Variants in AUH observed in about 807,000 individuals in gnomAD.
AUH encodes methylglutaconyl-CoA hydratase, mitochondrial.
Under a neutral mutation model 42.3 loss-of-function variants are expected in AUH, and 29 were observed. That is an observed-to-expected ratio of 0.69 (90% CI 0.51 to 0.93). The LOEUF is 0.93. AUH is among the 40% of genes least tolerant of loss of function. AUH has a pLI of 0.00. For missense variants in AUH, 452 were observed against 438.1 expected (o/e 1.03, Z -0.28); for synonymous variants, 174 against 166.4 (o/e 1.05, Z -0.35).
At chr9:91,308,716 T>C (rs1430206273) in intron 4 of AUH, among the ~76,000 whole-genome samples, 1 of 151,176 alleles carries the variant, frequency 6.6e-6, no homozygotes, top group Non-Finnish European at 1.5e-5. Flanking sequence ...TGAACATAAA[T>C]AAACAATTCA....
intron 6 of AUH, among the ~76,000 whole-genome samples, chr9:91,263,980 C>G (rs190499420): frequency 1.2e-3 from 190 of 152,278 alleles, no homozygotes; most frequent in African/African-American, 4.5e-3. Flanking sequence ...CCACAACACA[C>G]TTTTCCTCTG....
At chr9:91,308,287 G>A (rs997250863) in intron 4 of AUH, among the ~76,000 whole-genome samples, 9 of 152,198 alleles carry the variant, frequency 5.9e-5, no homozygotes, top group African/African-American at 1.9e-4. Flanking sequence ...TTTGAGCCCA[G>A]GAGTTCAAGG....
chr9:91,250,179 GTC>G (rs1564029868), intron 6 of AUH, among the ~76,000 whole-genome samples: 1 of 152,142 alleles, frequency 6.6e-6, no homozygotes, highest in African/African-American at 2.4e-5. Context: ...AGTCCCGGAG[GTC>G]TGAGACCGCA....
chr9:91,295,997 G>A (rs765320881), intron 6 of AUH, 24 bp downstream of exon 6: 37 of 1,613,364 alleles, frequency 2.3e-5, no homozygotes, highest in Middle Eastern at 1.6e-4. Context: ...AAGGATTTGA[G>A]GAATGGGCGT....
At chr9:91,324,563 A>AGCC (rs779009187) in intron 4 of AUH, among the ~76,000 whole-genome samples, 13,416 of 148,714 alleles carry the variant, frequency 0.09, 644 homozygotes, top group Middle Eastern at 0.12. Flanking sequence ...AAAAAAAAGA[A>AGCC]AGCCAAATCT....
chr9:91,214,367 G>T lies in AUH; in HGVS notation c.1001C>A (p.Pro334His). ...GLLAFKEKRP[P>H]RYKGE Reference sequence around the variant, plus strand: ...TTCCTTTTATTCTCCTTTATAGCGAGGGGGCCTTTTCTCTTTAAAAGCAAG... The same window carrying T: ...TTCCTTTTATTCTCCTTTATAGCGATGGGGCCTTTTCTCTTTAAAAGCAAG... The change falls in exon 10 of 10, where the codon CCT (proline) becomes CAT (histidine). Residue 334 changes from proline to histidine, a missense_variant. Transcript: ENST00000375731. The T allele has an allele frequency of 6.2e-7, 1 of 1,609,898 alleles. No homozygotes were observed.
intron 6 of AUH, among the ~76,000 whole-genome samples, chr9:91,232,169 G>A (rs1450841046): frequency 6.6e-6 from 1 of 152,128 alleles, no homozygotes; most frequent in Non-Finnish European, 1.5e-5. Context: ...GGGATAGCTT[G>A]AGCCCAGGAG....
At chr9:91,270,207 TAC>T (rs1299691905) in intron 6 of AUH, among the ~76,000 whole-genome samples, 1 of 152,100 alleles carries the variant, frequency 6.6e-6, no homozygotes, top group Non-Finnish European at 1.5e-5. Flanking sequence ...AAAGATAACA[TAC>T]AGAGACCAGA....
chr9:91,331,070 C>T (rs1830290060), intron 3 of AUH, among the ~76,000 whole-genome samples: 1 of 152,108 alleles, frequency 6.6e-6, no homozygotes, highest in Admixed American at 6.6e-5. Context: ...CCTACCCCCT[C>T]CAGCTGCCAA....
intron 6 of AUH, among the ~76,000 whole-genome samples, chr9:91,227,898 GAAGCC>G (rs1225241546): frequency 6.6e-6 from 1 of 151,634 alleles, no homozygotes; most frequent in African/African-American, 2.4e-5. Flanking sequence ...TCCCAGGGAT[GAAGCC>G]CACTTGATCA....
At chr9:91,350,713 C>A (rs1239615228) in intron 3 of AUH, among the ~76,000 whole-genome samples, 1 of 150,850 alleles carries the variant, frequency 6.6e-6, no homozygotes. Context: ...AAGCAGAGAT[C>A]ATACCACTGC....
chr9:91,263,989 T>C (rs1448706311), intron 6 of AUH, among the ~76,000 whole-genome samples: 1 of 152,186 alleles, frequency 6.6e-6, no homozygotes, highest in East Asian at 1.9e-4. Context: ...ACTTTTCCTC[T>C]GAGCTTCCAC....
rs199879150 is a variant in AUH at position 91,221,000 on chromosome 9, G to A, written c.656-8C>T. The A allele has an allele frequency of 1.2e-5, 19 of 1,614,022 alleles. No homozygotes were observed. The African/African-American group carries it at 2.3e-4, about 19-fold the overall frequency. ...GCAATCGCTGTGTCCCCCCTGAGGG[G>A]TGAAAGAGAGAGAAAAGGCAATGAT... On this transcript the variant is annotated splice_polypyrimidine_tract_variant and splice_region_variant and intron_variant, in intron 6 of 9. Transcript: ENST00000375731.
intron 6 of AUH, among the ~76,000 whole-genome samples, chr9:91,242,914 T>A (rs188301028): frequency 3.2e-4 from 49 of 152,352 alleles, no homozygotes; most frequent in Non-Finnish European, 5.6e-4. Context: ...ATGTTTCTGA[T>A]ATTCTTTATC....
intron 3 of AUH, chr9:91,343,080 T>C (rs1831225441): frequency 6.6e-6 from 1 of 152,220 alleles, no homozygotes; most frequent in African/African-American, 2.4e-5. Context: ...CAACCCTTTA[T>C]GTTACCAGTG....
chr9:91,313,711 CAAAAAAA>C (rs775229436), intron 4 of AUH, among the ~76,000 whole-genome samples: 1 of 68,904 alleles, frequency 1.5e-5, no homozygotes, highest in African/African-American at 5.8e-5. Flanking sequence ...GACTCCGTCT[CAAAAAAA>C]AAAAAAAAAA....
In AUH at chr9:91,335,186, T is replaced by C. The variant is rs571203960; in HGVS notation, c.419-9782A>G. ...CTTAGGTGTAAATGTAACATTCTTC[T>C]GAAGTCATTGTGGCCCGGTGCTTTC... On this transcript the variant is annotated intron_variant, in intron 3 of 9. Transcript: ENST00000375731. Among the ~76,000 whole-genome samples the C allele has an allele frequency of 8.5e-5, 13 of 152,390 alleles. 1 individual carries two copies. The East Asian group carries it at 1.2e-3, about 14-fold the overall frequency.
intron 1 of AUH, among the ~76,000 whole-genome samples, chr9:91,359,814 G>A (rs1243693019): frequency 1.3e-5 from 2 of 152,104 alleles, no homozygotes; most frequent in Non-Finnish European, 2.9e-5. Context: ...AGGCACCCAG[G>A]AAACTCCTTC....
intron 2 of AUH, 41 bp from the exon 3 acceptor site, chr9:91,356,011 A>C (rs1156719949): frequency 6.2e-7 from 1 of 1,605,234 alleles, no homozygotes; most frequent in East Asian, 2.2e-5. Flanking sequence ...AAGAGAAAAA[A>C]AAAACAAAAC....
Sources: gnomAD v4.1 joint callset for allele counts (sites outside exome capture counted in the v4.1 genomes callset) on GRCh38, gnomAD v4.1.1 for gene constraint, MANE v1.5 for transcripts, NCBI Gene and HGNC (gene_info 2026-07-23, HGNC 2026-07-21) for gene names.